The following KLHDC4 variants were observed in gnomAD, a reference collection of about 807,000 sequenced individuals.
The protein encoded by KLHDC4 is kelch domain containing 4, also known as kelch domain-containing protein 4.
A neutral mutation model predicts 62.4 loss-of-function variants in KLHDC4; 90 were observed. That is an observed-to-expected ratio of 1.44 (90% CI 1.22 to 1.72). The LOEUF (loss-of-function observed/expected upper bound fraction) is 1.72, where lower values mean the gene tolerates loss of function less well. Among genes scored for constraint, KLHDC4 ranks in the 40% most tolerant of loss-of-function variants. The pLI is 0.00. For synonymous variants in KLHDC4, 386 were observed against 284.4 expected, an observed-to-expected ratio of 1.36 and a Z score of -3.59; for missense variants, 1,025 against 699.7, an observed-to-expected ratio of 1.47 and a Z score of -5.25.
chr16:87,710,240 T>G, intron 9 of KLHDC4: 1 of 154,712 alleles, frequency 6.5e-6, no homozygotes, highest in Non-Finnish European at 1.4e-5. Flanking sequence ...TCTGTCCCAC[T>G]TCCCTGGCTG....
At chr16:87,765,126 G>T (rs4843266) in intron 1 of KLHDC4, 1 of 455,804 alleles carries the variant, frequency 2.2e-6, no homozygotes, top group African/African-American at 2.0e-5. Context: ...CATAAAACTG[G>T]CCCCGGTTAG....
chr16:87,761,313 C>T (rs965837562), intron 2 of KLHDC4, among the ~76,000 whole-genome samples: 1 of 152,156 alleles, frequency 6.6e-6, no homozygotes, highest in African/African-American at 2.4e-5. Context: ...TTAATGCAAA[C>T]GCAGCACAAT....
intron 4 of KLHDC4, among the ~76,000 whole-genome samples, chr16:87,751,553 A>C (rs1412764438): frequency 2.6e-5 from 4 of 152,192 alleles, no homozygotes; most frequent in African/African-American, 9.7e-5. Flanking sequence ...GGGAGAATAG[A>C]CAATGGACTT....
At chr16:87,750,587 G>A (rs950927965) in intron 4 of KLHDC4, among the ~76,000 whole-genome samples, 8 of 152,212 alleles carry the variant, frequency 5.3e-5, no homozygotes, top group South Asian at 2.1e-4. Flanking sequence ...CACACAGGGC[G>A]CAGAGAGGGC....
intron 5 of KLHDC4, among the ~76,000 whole-genome samples, chr16:87,740,345 G>A (rs2143013622): frequency 6.6e-6 from 1 of 152,334 alleles, no homozygotes; most frequent in South Asian, 2.1e-4. Flanking sequence ...CAGAGGCCCA[G>A]GGCTGAGCAG....
exon 1 of KLHDC4, chr16:87,700,654 G>A: frequency 4.2e-6 from 1 of 238,130 alleles, no homozygotes; most frequent in Non-Finnish European, 8.0e-6. Flanking sequence ...AGGGCAGAGG[G>A]AGGAGGGCAG....
At chr16:87,757,491 G>A (rs1004843643) in intron 2 of KLHDC4, 1 of 148,890 alleles carries the variant, frequency 6.7e-6, no homozygotes, top group African/African-American at 2.5e-5. Flanking sequence ...AAGTCCATAT[G>A]TAAGTACTTC....
intron 8 of KLHDC4, among the ~76,000 whole-genome samples, chr16:87,713,670 CAT>C (rs1299961723): frequency 6.6e-6 from 1 of 152,122 alleles, no homozygotes; most frequent in Non-Finnish European, 1.5e-5. Flanking sequence ...CATCTCAGCA[CAT>C]GACCCACGCC....
At chr16:87,729,656 G>A (rs1597560613) in intron 6 of KLHDC4, among the ~76,000 whole-genome samples, 1 of 152,366 alleles carries the variant, frequency 6.6e-6, no homozygotes, top group African/African-American at 2.4e-5. Context: ...GGGCAGCCAT[G>A]CCAGCTGCAC....
chr16:87,707,614 C>G (rs1032817642), downstream of KLHDC4, among the ~76,000 whole-genome samples: 1 of 152,158 alleles, frequency 6.6e-6, no homozygotes, highest in Non-Finnish European at 1.5e-5. Context: ...TCTGGTTTTG[C>G]AGAAGGAAAG....
exon 1 of KLHDC4, chr16:87,701,566 CG>C (rs1426337196): frequency 8.4e-5 from 34 of 406,102 alleles, no homozygotes; most frequent in African/African-American, 5.7e-4. Context: ...CATGTGTAGC[CG>C]GGTGCTGGGC....
At chr16:87,706,629 G>C (rs1181706171), downstream of KLHDC4, among the ~76,000 whole-genome samples, 1 of 152,364 alleles carries the variant, frequency 6.6e-6, no homozygotes, top group African/African-American at 2.4e-5. Flanking sequence ...GACAATGGAA[G>C]CCTGAAGTGA....
At chr16:87,719,772 G>A (rs1027518726) in intron 7 of KLHDC4, among the ~76,000 whole-genome samples, 1 of 152,170 alleles carries the variant, frequency 6.6e-6, no homozygotes, top group African/African-American at 2.4e-5. Context: ...CATTATTGCT[G>A]GAATGCAAAG....
intron 4 of KLHDC4, among the ~76,000 whole-genome samples, chr16:87,749,287 G>C (rs1477853443): frequency 6.6e-6 from 1 of 152,082 alleles, no homozygotes; most frequent in East Asian, 1.9e-4. Context: ...CAGGCGCGGT[G>C]GCTCACACCT....
In KLHDC4 at chr16:87,709,391, G is replaced by A. The variant is rs1245865301; in HGVS notation, c.1321C>T (p.His441Tyr). The A allele has an allele frequency of 6.2e-7, 1 of 1,613,416 alleles. No homozygotes were observed. The highest frequency in any genetic ancestry group is 8.5e-7 in the Non-Finnish European group (1 of 1,179,936). Residue 441 changes from histidine to tyrosine, a missense_variant, in exon 10 of 12, where the codon CAT becomes TAT. Coordinates refer to ENST00000270583, the MANE Select transcript of KLHDC4 (RefSeq NM_017566.4). ...CCCCCATAGACGTAGAGCACCCCAT[G>A]CTTCACAGCCAGCATGGCGTTGGAG... ...PRSNAMLAVK[H>Y]GVLYVYGGMF...
intron 10 of KLHDC4, among the ~76,000 whole-genome samples, 194 bp downstream of exon 10, chr16:87,709,071 G>A (rs978132024): frequency 2.0e-5 from 3 of 152,248 alleles, no homozygotes; most frequent in African/African-American, 4.8e-5. Context: ...AAGGACAGAC[G>A]TGCCCAGGGT....
chr16:87,729,643 C>A (rs1422617699), intron 6 of KLHDC4, among the ~76,000 whole-genome samples: 1 of 152,256 alleles, frequency 6.6e-6, no homozygotes, highest in Non-Finnish European at 1.5e-5. Context: ...CGCAGCTCAC[C>A]CTGGGCAGCC....
At chr16:87,734,998 ACGCCCCTCCCCCTCCTGACGAATTGCCC>A (rs1346935613) in intron 5 of KLHDC4, among the ~76,000 whole-genome samples, 11 of 91,260 alleles carry the variant, frequency 1.2e-4, no homozygotes, top group South Asian at 4.6e-4. Flanking sequence ...GAATTGCCTG[ACGCCCCTCCCCCTCCTGACGAATTGCCC>A]GACGCCCCCT....
At chr16:87,710,018 C>A (rs2035473084) in intron 9 of KLHDC4, 1 of 256,746 alleles carries the variant, frequency 3.9e-6, no homozygotes, top group Non-Finnish European at 7.5e-6. Context: ...CCTGGGAAAA[C>A]CCAATCACCC....
Sources: gnomAD v4.1 joint callset for allele counts (sites outside exome capture counted in the v4.1 genomes callset) on GRCh38, gnomAD v4.1.1 for gene constraint, MANE v1.5 for transcripts, NCBI Gene and HGNC (gene_info 2026-07-23, HGNC 2026-07-21) for gene names.